PKMYT1: variants seen among roughly 807,000 people sequenced by gnomAD.
PKMYT1 encodes protein kinase, membrane associated tyrosine/threonine 1, also known as membrane-associated tyrosine- and threonine-specific cdc2-inhibitory kinase.
A neutral mutation model predicts 49.7 loss-of-function variants in PKMYT1; 35 were observed. That is an observed-to-expected ratio of 0.70 (90% confidence interval 0.54 to 0.93). The LOEUF (loss-of-function observed/expected upper bound fraction) is 0.93, where lower values mean the gene tolerates loss of function less well. Among genes scored for constraint, PKMYT1 ranks in the 40% least tolerant of loss-of-function variants. PKMYT1 has a pLI of 0.00. For missense variants in PKMYT1, 677 were observed against 673.1 expected, an observed-to-expected ratio of 1.01 and a Z score of -0.06; for synonymous variants, 331 against 287.6, an observed-to-expected ratio of 1.15 and a Z score of -1.53.
chr16:2,975,677 G>T lies in PKMYT1; in HGVS notation c.514C>A (p.Arg172=). The change falls in exon 4 of 9, where the codon CGG becomes AGG. Residue 172 remains arginine, a synonymous_variant. Coordinates refer to ENST00000262300, the MANE Select transcript of PKMYT1 (RefSeq NM_004203.5). ...EKVGQHPCCV[R]LEQAWEEGGI... is the part of the protein sequence containing the mutation. Reference sequence around the variant, plus strand: ...CCCTCCTCCCAGGCCTGCTCCAGCCGCACGCAGCATGGGTGCTGCCCCACC... The same window carrying T: ...CCCTCCTCCCAGGCCTGCTCCAGCCTCACGCAGCATGGGTGCTGCCCCACC... 1 of 1,610,308 alleles carries T rather than the reference G, an allele frequency of 6.2e-7. No individual in the cohort carries two copies. The highest frequency in any genetic ancestry group is 2.2e-5 in the East Asian group (1 of 44,870).
rs762309599 is a variant in PKMYT1 at position 2,973,002 on chromosome 16, T to G, written c.1451A>C (p.Glu484Ala). Residue 484 changes from glutamate (E) to alanine (A), a missense_variant, in exon 9 of 9, where the codon GAG (glutamate) becomes GCG (alanine). Physicochemically the swap from Glu to Ala is moderately radical, Grantham distance 107. Coordinates refer to ENST00000262300, the MANE Select transcript of PKMYT1 (RefSeq NM_004203.5). ...AAACAGGCTGAGGAGGTTCCGAGGC[T>G]CAAAGGAGGGGAAGGAGCCCCGAGG... is the stretch of plus-strand genomic sequence containing the variant. ...EPPRGSFPSF[E>A]PRNLLSLFED... 6.2e-7 allele frequency: 1 copy of G among 1,610,578 alleles called. No homozygotes were observed. Among genetic ancestry groups the G allele is most frequent in the Admixed American group, 1.7e-5 (1 of 59,646 alleles).
rs1324488084 is a variant in PKMYT1, at chr16:2,973,389, A to C, written c.1311-174T>G. On this transcript the variant is annotated intron_variant, in intron 7 of 8. Coordinates refer to ENST00000262300, the MANE Select transcript of PKMYT1 (RefSeq NM_004203.5). ...AAAGCAGCACTTGGACAGCCTTCAAAGTCCTTCCATCTGGCTGCACTCCAA... is the reference window on the plus strand; with the variant it reads ...AAAGCAGCACTTGGACAGCCTTCAACGTCCTTCCATCTGGCTGCACTCCAA... The C allele has an allele frequency of 7.2e-6, 11 of 1,538,194 alleles. No individual in the cohort carries two copies. In the Middle Eastern group the frequency reaches 6.7e-4, roughly 94 times the overall value.
intron 4 of PKMYT1, among the ~76,000 whole-genome samples, chr16:2,975,076 A>G (rs1007155461): frequency 1.3e-5 from 2 of 152,168 alleles, no homozygotes; most frequent in Non-Finnish European, 2.9e-5. Flanking sequence ...TGGAGTGACA[A>G]TTGTTTCTCC....
chr16:2,973,918 C>T lies in PKMYT1; in HGVS notation c.1310+82G>A, dbSNP rs1176886634. 4 of 1,441,634 alleles carry T rather than the reference C, an allele frequency of 2.8e-6. No homozygotes were observed. The Admixed American group carries it at 5.8e-5, about 21-fold the overall frequency. The allele number at this position is 1,441,634 out of a possible 1,614,324, so 89.3% of individuals were successfully genotyped here. A position where few individuals can be genotyped will look rare whatever the true frequency, so the allele number is the denominator to read the frequency against. On this transcript the variant is annotated intron_variant, in intron 7 of 8. Transcript: ENST00000262300. ...GGGGCCAGGTTTGTGGGAGTGGTCC[C>T]CATTCACCACGAATCTCCATGGAGC... is the stretch of plus-strand genomic sequence containing the variant.
At chr16:2,976,597 G>T (rs1402048287) in intron 3 of PKMYT1, 67 bp downstream of exon 3, 7 of 1,404,908 alleles carry the variant, frequency 5.0e-6, no homozygotes, top group African/African-American at 1.4e-5. Context: ...ACACTGTCCT[G>T]CCAAGGGAGG....
At chr16:2,975,990 C>T (rs2072180812) in intron 3 of PKMYT1, 178 bp from the exon 4 acceptor site, 1 of 697,214 alleles carries the variant, frequency 1.4e-6, no homozygotes, top group Admixed American at 3.0e-5. Flanking sequence ...ACCTCCATCC[C>T]TCGGGCTGGG....
In PKMYT1 at chr16:2,976,974, C is replaced by A. The variant is rs1317418601; in HGVS notation, c.68G>T (p.Gly23Val). ...GTAGGCTGGGACTGGGATGGGGGTG[C>A]CACTCAGAGGTGGCGGGGTGCCCTC... is the stretch of plus-strand genomic sequence containing the variant. ...PTEGTPPPLSGTPIPVPAYFR... is the reference protein window; with the variant it reads ...PTEGTPPPLSVTPIPVPAYFR... Residue 23 changes from glycine to valine, a missense_variant, in exon 3 of 9, where the codon GGC (glycine) becomes GTC (valine). By Grantham distance (109) the Gly-to-Val change is moderately radical. Transcript: ENST00000262300. 3.8e-6 allele frequency: 6 copies of A among 1,559,822 alleles called. No individual in the cohort carries two copies. Among genetic ancestry groups the A allele is most frequent in the Non-Finnish European group, 5.2e-6 (6 of 1,152,048 alleles).
chr16:2,977,413 A>T, intron 2 of PKMYT1: 1 of 1,013,022 alleles, frequency 9.9e-7, no homozygotes, highest in Non-Finnish European at 1.2e-6. Context: ...ACACGGGCCC[A>T]CGATCCCTTA....
At chr16:2,973,591 C>A in intron 7 of PKMYT1, 1 of 576,994 alleles carries the variant, frequency 1.7e-6, no homozygotes, top group Non-Finnish European at 2.8e-6. Flanking sequence ...CTGCCCTGAG[C>A]GTGTGGTTTC....
Position 2,974,143 on chromosome 16 carries a change from C to G in PKMYT1, c.1167G>C (p.Leu389=), listed in dbSNP as rs771961165. The G allele has an allele frequency of 5.0e-6, 8 of 1,600,054 alleles. No individual in the cohort carries two copies. In the South Asian group the frequency reaches 5.6e-5, roughly 11 times the overall value. The change falls in exon 7 of 9, where the codon CTG becomes CTC. Residue 389 remains leucine, a synonymous_variant. Coordinates refer to ENST00000262300, the MANE Select transcript of PKMYT1 (RefSeq NM_004203.5). ...CCAGCCCATGCCAGAGCCAGCAGAG[C>G]AGGGCAAGCAGGGCCTGTGGGGGAG... The part of the protein sequence containing the change: ...GWALWQALLA[L]LCWLWHGLAH...
intron 3 of PKMYT1, among the ~76,000 whole-genome samples, 192 bp downstream of exon 3, chr16:2,976,472 C>T (rs1337618994): frequency 6.6e-6 from 1 of 152,190 alleles, no homozygotes; most frequent in African/African-American, 2.4e-5. Flanking sequence ...CACAGAGCAA[C>T]CCCTGGAGGG....
At chr16:2,978,516 G>C (rs1470806365) in intron 2 of PKMYT1, among the ~76,000 whole-genome samples, 1 of 152,156 alleles carries the variant, frequency 6.6e-6, no homozygotes, top group African/African-American at 2.4e-5. Flanking sequence ...AGGAGGCTGA[G>C]GTGAGTAAAT....
chr16:2,975,656 C>T lies in PKMYT1; in HGVS notation c.535G>A (p.Glu179Lys). The stretch of plus-strand genomic sequence containing the variant: ...GTCTGCAGGTACAGGATGCCGCCCT[C>T]CTCCCAGGCCTGCTCCAGCCGCACG... ...CCVRLEQAWEEGGILYLQTEL... is the reference protein window; with the variant it reads ...CCVRLEQAWEKGGILYLQTEL... Residue 179 changes from glutamate to lysine, a missense_variant, in exon 4 of 9, where the codon GAG (glutamate) becomes AAG (lysine). Transcript: ENST00000262300. The T allele has an allele frequency of 1.2e-6, 2 of 1,611,284 alleles. No individual in the cohort carries two copies. Among genetic ancestry groups the T allele is most frequent in the Non-Finnish European group, 1.7e-6 (2 of 1,179,810 alleles).
Position 2,977,885 on chromosome 16 carries a change from T to A in PKMYT1, c.11-854A>T, listed in dbSNP as rs4149772. Among the ~76,000 whole-genome samples the A allele has an allele frequency of 2.6e-4, 39 of 152,280 alleles. 3 individuals carry two copies. The East Asian group carries it at 6.9e-3, about 27-fold the overall frequency. On this transcript the variant is annotated intron_variant, in intron 2 of 8. Coordinates refer to ENST00000262300, the MANE Select transcript of PKMYT1 (RefSeq NM_004203.5). The stretch of plus-strand genomic sequence containing the variant: ...CAGCTCCACATGGCAGAGGCTAAAT[T>A]CCAGCTGAGTGTGGCAGACAGGCCA...
rs1430170744 is a variant in PKMYT1 at position 2,977,005 on chromosome 16, G to A, written c.37C>T (p.Pro13Ser). ...AGAGGTGGCGGGGTGCCCTCCGTGG[G>A]CATGGGCATGGCCAGTGCAGGAGGC... ...ERPPALAMPM[P>S]TEGTPPPLSG... The change falls in exon 3 of 9, where the codon CCC (proline) becomes TCC (serine). Residue 13 changes from proline (P) to serine (S), a missense_variant. Transcript: ENST00000262300. 1 of 1,579,430 alleles carries A rather than the reference G, an allele frequency of 6.3e-7. No homozygotes were observed. Among genetic ancestry groups the A allele is most frequent in the Non-Finnish European group, 8.6e-7 (1 of 1,166,026 alleles).
chr16:2,977,092 C>T lies in PKMYT1; in HGVS notation c.11-61G>A, dbSNP rs758876309. The stretch of plus-strand genomic sequence containing the variant: ...ATGTCCACTCTGATACCACCTGGCC[C>T]TGTGGCTCCAAAGAGGCCACAGAAG... On this transcript the variant is annotated intron_variant, in intron 2 of 8. Coordinates refer to ENST00000262300, the MANE Select transcript of PKMYT1 (RefSeq NM_004203.5). 7.6e-6 allele frequency: 12 copies of T among 1,582,454 alleles called. No homozygotes were observed. In the African/African-American group the frequency reaches 1.5e-4, roughly 19 times the overall value.
chr16:2,979,888 T>C lies in PKMYT1; in HGVS notation c.-231A>G. 1.4e-5 allele frequency: 8 copies of C among 586,712 alleles called. No individual in the cohort carries two copies. In the South Asian group the frequency reaches 1.6e-4, roughly 12 times the overall value. 36.3% of individuals were successfully genotyped at this position (586,712 alleles called of 1,614,324 possible). A position where few individuals can be genotyped will look rare whatever the true frequency, so the allele number is the denominator to read the frequency against. On this transcript the variant is annotated 5_prime_UTR_variant, in exon 2 of 9. Transcript: ENST00000262300. ...CCTCCCAGGCAGGGCCGCGGCTGACTTCACTCCGTGGGTGTGGGGAAGCCC... is the reference window on the plus strand; with the variant it reads ...CCTCCCAGGCAGGGCCGCGGCTGACCTCACTCCGTGGGTGTGGGGAAGCCC...
Position 2,976,637 on chromosome 16 carries a change from G to A in PKMYT1, c.378+27C>T, listed in dbSNP as rs772238185. 10 of 1,413,188 alleles carry A rather than the reference G, an allele frequency of 7.1e-6. No homozygotes were observed. In the African/African-American group the frequency reaches 1.3e-4, roughly 18 times the overall value. 87.5% of individuals were successfully genotyped at this position (1,413,188 alleles called of 1,614,324 possible). A position where few individuals can be genotyped will look rare whatever the true frequency, so the allele number is the denominator to read the frequency against. On this transcript the variant is annotated intron_variant, in intron 3 of 8. Coordinates refer to ENST00000262300, the MANE Select transcript of PKMYT1 (RefSeq NM_004203.5). ...GAAACACAAAGGAGGTCCCCCAGAT[G>A]GGCCTAGAAGCCGTCCCCTCACTCA...
Position 2,974,065 on chromosome 16 carries a change from G to C in PKMYT1, c.1245C>G (p.Gly415=), listed in dbSNP as rs1300106358. The change falls in exon 7 of 9, where the codon GGC becomes GGG. Residue 415 remains glycine, a synonymous_variant. Coordinates refer to ENST00000262300, the MANE Select transcript of PKMYT1 (RefSeq NM_004203.5). ...CCAGGAGCAAACTGCAGGGTGGTGA[G>C]CCAGGCGGGGTGGCTGGCGGGCCCA... ...QPLGPPATPP[G]SPPCSLLLDS... is the part of the protein sequence containing the mutation. 1 of 1,611,764 alleles carries C rather than the reference G, an allele frequency of 6.2e-7. No individual in the cohort carries two copies. The highest frequency in any genetic ancestry group is 8.5e-7 in the Non-Finnish European group (1 of 1,179,596).
Sources: allele counts gnomAD v4.1 joint callset (sites outside exome capture counted in the v4.1 genomes callset), GRCh38; gene constraint gnomAD v4.1.1; transcripts MANE v1.5; gene names NCBI Gene and HGNC (gene_info 2026-07-23, HGNC 2026-07-21).